Variants in PSME4 observed in about 807,000 individuals in gnomAD.
The protein encoded by PSME4 is proteasome activator subunit 4.
In PSME4, 89 loss-of-function variants were observed where a neutral mutation model predicts 253.9. That is an observed-to-expected ratio of 0.35 (90% CI 0.30 to 0.42). The LOEUF (loss-of-function observed/expected upper bound fraction) is 0.42. Among genes scored for constraint, PSME4 ranks in the 10% least tolerant of loss-of-function variants. The pLI, the probability that PSME4 is intolerant of heterozygous loss-of-function variation, is 1.00. For missense variants in PSME4, 2,014 were observed against 2,195.2 expected, an observed-to-expected ratio of 0.92 and a Z score of 1.65; for synonymous variants, 851 against 759.2, an observed-to-expected ratio of 1.12 and a Z score of -1.99.
At chr2:53,894,183 G>A (rs1376299631) in intron 34 of PSME4, among the ~76,000 whole-genome samples, 1 of 152,100 alleles carries the variant, frequency 6.6e-6, no homozygotes, top group East Asian at 1.9e-4. Flanking sequence ...GAAGTTAAAA[G>A]GCAAACTGTT....
intron 41 of PSME4, among the ~76,000 whole-genome samples, chr2:53,885,438 T>G (rs564321274): frequency 2.3e-4 from 35 of 152,328 alleles, no homozygotes; most frequent in South Asian, 8.3e-4. Flanking sequence ...ACTCAGAAAT[T>G]AGCTACCAGG....
At chr2:53,915,299 G>C (rs1362432333) in intron 20 of PSME4, among the ~76,000 whole-genome samples, 2 of 152,124 alleles carry the variant, frequency 1.3e-5, no homozygotes, top group East Asian at 3.8e-4. Flanking sequence ...AAATTAGCTG[G>C]GCATGGTGAC....
At chr2:53,898,103 A>G in intron 30 of PSME4, 104 bp from the exon 31 acceptor site, 1 of 1,387,962 alleles carries the variant, frequency 7.2e-7, no homozygotes, top group East Asian at 2.3e-5. Flanking sequence ...CAAGAATTAA[A>G]ATAGGTCTAG....
intron 19 of PSME4, 111 bp from the exon 20 acceptor site, chr2:53,919,357 A>G: frequency 7.5e-7 from 1 of 1,339,014 alleles, no homozygotes; most frequent in Non-Finnish European, 9.7e-7. Context: ...TAAGGTAAAG[A>G]AATAGCAAAT....
At position 53,920,289 on chromosome 2, in the gene PSME4, T is replaced by C; in HGVS notation, c.2324A>G (p.Glu775Gly). The C allele has an allele frequency of 6.2e-7, 1 of 1,613,876 alleles. No homozygotes were observed. Among genetic ancestry groups the C allele is most frequent in the Non-Finnish European group, 8.5e-7 (1 of 1,179,878 alleles). ...AAGATAAAAGGCAAAAGACACTTCT[T>C]CTGAAGAAGGAACATGCCACTGGAT... ...LGIQWHVPSS[E>G]EVSFAFYLLD... The change falls in exon 19 of 47, where the codon GAA becomes GGA. Residue 775 changes from glutamate (E) to glycine (G), a missense_variant. By Grantham distance (98) the Glu-to-Gly change is moderately conservative. This residue lies in a region of PSME4 where 989 missense variants were observed against 1,021.1 expected (regional missense o/e 0.97). Transcript: ENST00000404125.
chr2:53,961,896 C>T (rs1234872787), intron 1 of PSME4, among the ~76,000 whole-genome samples: 1 of 152,222 alleles, frequency 6.6e-6, no homozygotes, highest in African/African-American at 2.4e-5. Context: ...CCGGTTTCCA[C>T]TTGCTAGAAC....
chr2:53,886,328 G>A (rs1445912225), intron 40 of PSME4, among the ~76,000 whole-genome samples: 1 of 152,224 alleles, frequency 6.6e-6, no homozygotes, highest in African/African-American at 2.4e-5. Context: ...AGGATCTCTT[G>A]AGCCCCGGAG....
At chr2:53,964,474 T>C (rs1364269380) in intron 1 of PSME4, among the ~76,000 whole-genome samples, 1 of 152,258 alleles carries the variant, frequency 6.6e-6, no homozygotes, top group African/African-American at 2.4e-5. Flanking sequence ...AAAGAAATTT[T>C]GGTTCCCATT....
At chr2:53,922,732 G>C (rs1668382646) in intron 16 of PSME4, 148 bp from the exon 17 acceptor site, 1 of 1,066,004 alleles carries the variant, frequency 9.4e-7, no homozygotes, top group Non-Finnish European at 1.3e-6. Flanking sequence ...AGCTGAGCTT[G>C]TTCCAAAAGG....
chr2:53,953,693 C>T (rs182439142), intron 1 of PSME4, among the ~76,000 whole-genome samples: 1 of 151,226 alleles, frequency 6.6e-6, no homozygotes, highest in African/African-American at 2.4e-5. Flanking sequence ...TCTGGTTTGA[C>T]TTTCCTGTAA....
chr2:53,970,506 T>TC (rs1015772118), intron 1 of PSME4, 37 bp downstream of exon 1: 2 of 1,547,120 alleles, frequency 1.3e-6, no homozygotes, highest in Non-Finnish European at 8.7e-7. Context: ...ACTGAGCCTT[T>TC]CCCCCCGGCC....
Position 53,923,129 on chromosome 2 carries a change from A to G in PSME4, c.1909-11T>C. The G allele has an allele frequency of 6.3e-7, 1 of 1,597,480 alleles. No homozygotes were observed. The highest frequency in any genetic ancestry group is 8.5e-7 in the Non-Finnish European group (1 of 1,171,026). The stretch of plus-strand genomic sequence containing the variant: ...TTCTTCTGGGCAGCACTGAAAATGT[A>G]TTTGTATAAGTAAGGCTTTTTTGAA... On this transcript the variant is annotated splice_polypyrimidine_tract_variant and intron_variant, in intron 15 of 46. Coordinates refer to ENST00000404125, the MANE Select transcript of PSME4 (RefSeq NM_014614.3).
chr2:53,927,162 A>G (rs575803949), intron 12 of PSME4, among the ~76,000 whole-genome samples: 1 of 152,352 alleles, frequency 6.6e-6, no homozygotes, highest in Admixed American at 6.5e-5. Context: ...AAACTGAAAT[A>G]CACCTCCAGA....
At chr2:53,880,294 C>CA (rs1338824025) in intron 41 of PSME4, among the ~76,000 whole-genome samples, 1 of 151,948 alleles carries the variant, frequency 6.6e-6, no homozygotes, top group Non-Finnish European at 1.5e-5. Context: ...CCCATCTCTA[C>CA]AAAAAATAAA....
chr2:53,918,771 T>C (rs947542703), intron 20 of PSME4, among the ~76,000 whole-genome samples: 1 of 151,640 alleles, frequency 6.6e-6, no homozygotes, highest in Admixed American at 6.6e-5. Context: ...TGAAGAAATC[T>C]TTTTTTTTAA....
At chr2:53,945,382 T>C (rs1349380363) in intron 3 of PSME4, among the ~76,000 whole-genome samples, 5 of 152,152 alleles carry the variant, frequency 3.3e-5, no homozygotes, top group South Asian at 2.1e-4. Flanking sequence ...ACTTCTTCTA[T>C]TGAATAAAAA....
chr2:53,910,791 T>C (rs925012487), intron 20 of PSME4, among the ~76,000 whole-genome samples: 4 of 152,224 alleles, frequency 2.6e-5, no homozygotes, highest in Admixed American at 1.3e-4. Flanking sequence ...AAAATGAGAA[T>C]TGACATATCT....
chr2:53,944,978 AC>A lies in PSME4; in HGVS notation c.500+3442del. On this transcript the variant is annotated intron_variant, in intron 3 of 46. Coordinates refer to ENST00000404125, the MANE Select transcript of PSME4 (RefSeq NM_014614.3). ...ACAATACATGTAAAAGAGAATAGAT[AC>A]TTTTAAAAATAAATTTTAAAAAGTA... Among the ~76,000 whole-genome samples the A allele has an allele frequency of 2.0e-5, 3 of 152,334 alleles. No individual in the cohort carries two copies. In the South Asian group the frequency reaches 6.2e-4, roughly 32 times the overall value.
At position 53,937,592 on chromosome 2, in the gene PSME4, C is replaced by A. The variant is rs781417443; in HGVS notation, c.546-52G>T. On this transcript the variant is annotated intron_variant, in intron 4 of 46. Transcript: ENST00000404125. ...ATCTGATTATTGGCTAAAAGCTCTA[C>A]AACAGCAATATATATAACTGACCAA... 3 of 1,543,380 alleles carry A rather than the reference C, an allele frequency of 1.9e-6. 1 individual carries two copies. In the South Asian group the frequency reaches 3.4e-5, roughly 18 times the overall value.
Sources: gnomAD v4.1 joint callset for allele counts (sites outside exome capture counted in the v4.1 genomes callset) on GRCh38, gnomAD v4.1.1 for gene constraint, gnomAD v4.1.1 regional missense constraint, MANE v1.5 for transcripts, NCBI Gene and HGNC (gene_info 2026-07-23, HGNC 2026-07-21) for gene names.